The following TSPAN10 variants were observed in gnomAD, a reference collection of about 807,000 sequenced individuals.
TSPAN10 encodes the protein tetraspanin 10.
A neutral mutation model predicts 15.0 loss-of-function variants in TSPAN10; 11 were observed. The ratio of observed to expected loss-of-function variants is 0.73; its 90% CI spans 0.46 to 1.21. TSPAN10 has a LOEUF of 1.21. Among genes scored for constraint, TSPAN10 ranks in the 50% most tolerant of loss-of-function variants. The pLI is 0.00. For missense variants in TSPAN10, 486 were observed against 470.6 expected, an observed-to-expected ratio of 1.03 and a Z score of -0.30; for synonymous variants, 241 against 226.2, an observed-to-expected ratio of 1.07 and a Z score of -0.59.
At chr17:81,645,594 C>T (rs940120153) in exon 2 of TSPAN10, 6 of 1,612,508 alleles carry the variant, frequency 3.7e-6, no homozygotes, top group Admixed American at 1.7e-5. Context: ...TGAGGTGCTG[C>T]GGAGCTGCCT....
chr17:81,645,832 C>A, intron 2 of TSPAN10: 1 of 689,364 alleles, frequency 1.5e-6, no homozygotes, highest in Non-Finnish European at 2.5e-6. Flanking sequence ...CACACACCTA[C>A]ACACTCCTCT....
At chr17:81,645,571 G>C (rs773555687) in exon 2 of TSPAN10, 3 of 1,612,470 alleles carry the variant, frequency 1.9e-6, no homozygotes, top group Non-Finnish European at 2.5e-6. Context: ...CCTCGACCAA[G>C]TCCAGCTCGG....
chr17:81,639,849 G>A (rs372324974), upstream of TSPAN10, among the ~76,000 whole-genome samples: 3 of 152,068 alleles, frequency 2.0e-5, no homozygotes, highest in South Asian at 2.1e-4. Flanking sequence ...GCGTGGTGGC[G>A]GGTGCCTGTA....
At chr17:81,648,353 G>A (rs1598713404), downstream of TSPAN10, 2 of 1,191,848 alleles carry the variant, frequency 1.7e-6, no homozygotes. Flanking sequence ...GCCTCCGCCC[G>A]GCTAAAAAGC....
intron 2 of TSPAN10, among the ~76,000 whole-genome samples, chr17:81,646,899 C>T (rs9904137): frequency 0.46 from 68,946 of 150,726 alleles, 17,244 homozygotes; most frequent in East Asian, 0.79. Context: ...GGCTGGAGTG[C>T]AGTGGCTCGA....
chr17:81,646,009 C>G (rs559699931), intron 2 of TSPAN10: 272 of 362,846 alleles, frequency 7.5e-4, no homozygotes, highest in Non-Finnish European at 1.1e-3. Context: ...CTGCGGCCCC[C>G]AGAACGTGCA....
chr17:81,641,970 A>G (rs1289080496), upstream of TSPAN10, among the ~76,000 whole-genome samples: 2 of 152,122 alleles, frequency 1.3e-5, no homozygotes, highest in Non-Finnish European at 2.9e-5. Context: ...GGGGCTGCCC[A>G]TGGGTCTCTT....
chr17:81,644,923 C>G, intron 1 of TSPAN10, 69 bp from the exon 3 acceptor site: 2 of 1,589,718 alleles, frequency 1.3e-6, no homozygotes, highest in Non-Finnish European at 1.7e-6. Context: ...ATGCTCTTCC[C>G]TGACCCCTCA....
At chr17:81,643,004 TATATATA>T (rs1176965887) in intron 1 of TSPAN10, among the ~76,000 whole-genome samples, 1 of 38,282 alleles carries the variant, frequency 2.6e-5, no homozygotes, top group African/African-American at 2.8e-4. Flanking sequence ...ATTATATATA[TATATATA>T]TATATATATA....
chr17:81,640,506 C>T (rs534166364), upstream of TSPAN10, among the ~76,000 whole-genome samples: 70 of 152,116 alleles, frequency 4.6e-4, no homozygotes, highest in African/African-American at 1.6e-3. Context: ...TGGAGTGCAG[C>T]GGCACCATCT....
chr17:81,638,083 TTAAATTA>T (rs2036131828), upstream of TSPAN10: 6 of 41,140 alleles, frequency 1.5e-4, no homozygotes, highest in Admixed American at 2.1e-3. Flanking sequence ...CATTAATTGA[TTAAATTA>T]TGTTAGTAAT....
intron 1 of TSPAN10, among the ~76,000 whole-genome samples, chr17:81,642,694 G>A (rs2036190525): frequency 6.6e-6 from 1 of 152,184 alleles, no homozygotes; most frequent in Non-Finnish European, 1.5e-5. Flanking sequence ...AGGGCCTTGG[G>A]GGCAATCTTT....
chr17:81,640,690 C>T (rs1210107733), upstream of TSPAN10, among the ~76,000 whole-genome samples: 1 of 152,078 alleles, frequency 6.6e-6, no homozygotes, highest in African/African-American at 2.4e-5. Flanking sequence ...CCTCATGATC[C>T]ACCTGCCTCG....
chr17:81,643,155 C>A (rs552399668), intron 1 of TSPAN10, among the ~76,000 whole-genome samples: 26 of 150,734 alleles, frequency 1.7e-4, no homozygotes, highest in African/African-American at 6.3e-4. Flanking sequence ...CAGGCACATG[C>A]CACCACACCC....
At chr17:81,647,341 G>A (rs2036268598) in intron 2 of TSPAN10, 14 of 446,928 alleles carry the variant, frequency 3.1e-5, no homozygotes, top group South Asian at 2.2e-4. Context: ...CAGAGCCCCA[G>A]ACATCAGTGG....
At chr17:81,644,391 C>T (rs912572298) in intron 1 of TSPAN10, among the ~76,000 whole-genome samples, 3 of 86,260 alleles carry the variant, frequency 3.5e-5, no homozygotes, top group African/African-American at 5.5e-5. Flanking sequence ...GGGTCCAGTG[C>T]CGTGTCCACA....
At chr17:81,645,306 C>A in exon 2 of TSPAN10, 1 of 1,545,508 alleles carries the variant, frequency 6.5e-7, no homozygotes, top group Non-Finnish European at 8.7e-7. Flanking sequence ...GGCCCCTGCC[C>A]GCAGACCCCA....
At chr17:81,648,097 C>T (rs867004357) in exon 3 of TSPAN10, 2 of 1,580,834 alleles carry the variant, frequency 1.3e-6, no homozygotes, top group African/African-American at 1.3e-5. Flanking sequence ...GCGCGCGAAC[C>T]TGGCTGCCTC....
At chr17:81,639,269 G>A (rs1431818824), upstream of TSPAN10, 3 of 139,336 alleles carry the variant, frequency 2.2e-5, no homozygotes, top group South Asian at 2.4e-4. Context: ...GTGCAATGGC[G>A]CGATCCCAGC....
Sources: allele counts gnomAD v4.1 joint callset (sites outside exome capture counted in the v4.1 genomes callset), GRCh38; gene constraint gnomAD v4.1.1; transcripts MANE v1.5; gene names NCBI Gene and HGNC (gene_info 2026-07-23, HGNC 2026-07-21).